Variants in CNNM4 observed in about 807,000 individuals in gnomAD.
The protein encoded by CNNM4 is metal transporter CNNM4.
A neutral mutation model predicts 53.7 loss-of-function variants in CNNM4; 32 were observed. That is an observed-to-expected ratio of 0.60 (90% CI 0.45 to 0.80). The LOEUF is 0.80. Among genes scored for constraint, CNNM4 ranks in the 30% least tolerant of loss-of-function variants. The pLI is 0.00. For synonymous variants in CNNM4, 410 were observed against 440.0 expected, an observed-to-expected ratio of 0.93 and a Z score of 0.85; for missense variants, 784 against 1,022.0, an observed-to-expected ratio of 0.77 and a Z score of 3.17.
chr2:96,782,850 C>T (rs1387119493), intron 1 of CNNM4, among the ~76,000 whole-genome samples: 1 of 152,096 alleles, frequency 6.6e-6, no homozygotes, highest in Non-Finnish European at 1.5e-5. Flanking sequence ...TGTATTTCAG[C>T]AAAGTATTTA....
At chr2:96,772,067 C>T (rs754445744) in intron 1 of CNNM4, among the ~76,000 whole-genome samples, 4 of 152,020 alleles carry the variant, frequency 2.6e-5, no homozygotes, top group Middle Eastern at 3.2e-3. Flanking sequence ...CTCTCTGGAA[C>T]GCCTGGTCTC....
chr2:96,797,594 A>G lies in CNNM4; in HGVS notation c.1628A>G (p.Lys543Arg). The G allele has an allele frequency of 1.2e-6, 2 of 1,614,190 alleles. No individual in the cohort carries two copies. The highest frequency in any genetic ancestry group is 1.7e-6 in the Non-Finnish European group (2 of 1,180,028). ...SAFKDADNEL[K>R]VKISPQLLLA... ...TTCAAGGATGCGGACAATGAGCTCAAAGTGAAAATCTCCCCGCAGCTCCTC... is the reference window on the plus strand; with the variant it reads ...TTCAAGGATGCGGACAATGAGCTCAGAGTGAAAATCTCCCCGCAGCTCCTC... The change falls in exon 3 of 7, where the codon AAA becomes AGA. Residue 543 changes from lysine (K) to arginine (R), a missense_variant. By Grantham distance (26) the Lys-to-Arg change is conservative. This residue lies in a region of CNNM4 where 307 missense variants were observed against 376.3 expected (regional missense o/e 0.82). Transcript: ENST00000377075. The surrounding 1 kb of genome is among the most constrained non-coding windows in gnomAD (Gnocchi z 6.0).
chr2:96,789,227 A>G (rs2079040067), intron 1 of CNNM4, among the ~76,000 whole-genome samples: 1 of 152,094 alleles, frequency 6.6e-6, no homozygotes, highest in South Asian at 2.1e-4. Context: ...AAGGGAAGAA[A>G]TGGGTCGGGA....
At chr2:96,772,230 C>T (rs1459580956) in intron 1 of CNNM4, among the ~76,000 whole-genome samples, 1 of 150,764 alleles carries the variant, frequency 6.6e-6, no homozygotes, top group African/African-American at 2.4e-5. Flanking sequence ...ACTCATACCC[C>T]CACAAAGGCA....
chr2:96,770,021 C>T (rs567309730), intron 1 of CNNM4, among the ~76,000 whole-genome samples: 2 of 152,316 alleles, frequency 1.3e-5, no homozygotes, highest in African/African-American at 4.8e-5. Context: ...AACATGAGCA[C>T]GTGGAGGGGC....
chr2:96,797,474 G>T lies in CNNM4; in HGVS notation c.1547-39G>T, dbSNP rs1430018252. ...GTTCCAGTCTCTTCCTAAGTCCTCA[G>T]GGGTCTGTGTTCTCAATTCCACGCT... On this transcript the variant is annotated intron_variant, in intron 2 of 6. Transcript: ENST00000377075. The surrounding 1 kb of genome is among the most constrained non-coding windows in gnomAD (Gnocchi z 6.0). 2 of 1,611,618 alleles carry T rather than the reference G, an allele frequency of 1.2e-6. No homozygotes were observed. The highest frequency in any genetic ancestry group is 1.6e-4 in the Middle Eastern group (1 of 6,062).
rs545205153 is a variant in CNNM4 at position 96,760,986 on chromosome 2, A to C, written c.-14A>C. 1.1e-3 allele frequency: 1,179 copies of C among 1,095,000 alleles called. 15 individuals are homozygous for C. In the African/African-American group the frequency reaches 0.018, roughly 17 times the overall value. The allele number at this position is 1,095,000 out of a possible 1,614,324, so 67.8% of individuals were successfully genotyped here. On this transcript the variant is annotated 5_prime_UTR_variant, in exon 1 of 7. Coordinates refer to ENST00000377075, the MANE Select transcript of CNNM4 (RefSeq NM_020184.4). ...TGGCGCGGGGAGCGGCGGCGGCGGC[A>C]GAGCCAGAGCAACATGGCGCCGGTG...
chr2:96,776,658 G>A (rs1190375867), intron 1 of CNNM4, among the ~76,000 whole-genome samples: 1 of 152,138 alleles, frequency 6.6e-6, no homozygotes, highest in African/African-American at 2.4e-5. Context: ...CTCTCGCCCA[G>A]CCTGGAGTGC....
chr2:96,774,292 G>A (rs1157096551), intron 1 of CNNM4, among the ~76,000 whole-genome samples: 3 of 152,138 alleles, frequency 2.0e-5, no homozygotes, highest in Non-Finnish European at 4.4e-5. Flanking sequence ...TGTTCCCTTG[G>A]AGCCCCATCT....
At chr2:96,805,440 A>AATTTTTTTT (rs2079194974) in intron 5 of CNNM4, among the ~76,000 whole-genome samples, 5 of 87,480 alleles carry the variant, frequency 5.7e-5, no homozygotes, top group East Asian at 3.6e-4. Context: ...TTTTTTTTTT[A>AATTTTTTTT]TTATTTTTTT....
chr2:96,800,094 C>T lies in CNNM4; in HGVS notation c.1948+446C>T, dbSNP rs549276331. Among the ~76,000 whole-genome samples the T allele has an allele frequency of 4.6e-5, 7 of 152,192 alleles. No homozygotes were observed. Among genetic ancestry groups the T allele is most frequent in the African/African-American group, 1.7e-4 (7 of 41,524 alleles). On this transcript the variant is annotated intron_variant, in intron 5 of 6. Transcript: ENST00000377075. The surrounding 1 kb of genome is among the most constrained non-coding windows in gnomAD (Gnocchi z 4.6). ...CAGATGGGTTTGGCTTTTCGGAGGACGCGGCTACTGGGTTTTGGTTAGAGG... is the reference window on the plus strand; with the variant it reads ...CAGATGGGTTTGGCTTTTCGGAGGATGCGGCTACTGGGTTTTGGTTAGAGG...
rs1209580799 is a variant in CNNM4, at chr2:96,810,175, C to T, written c.*658C>T. On this transcript the variant is annotated 3_prime_UTR_variant, in exon 7 of 7. Transcript: ENST00000377075. This position sits in a 1 kb window ranked among gnomAD's most constrained non-coding sequence, Gnocchi z 4.1. The stretch of plus-strand genomic sequence containing the variant: ...TAGCTGTGATCAGGGACATGATAAT[C>T]TGAGCTATGCAGAGGAGCACATCTG... 2 of 152,670 alleles carry T rather than the reference C, an allele frequency of 1.3e-5. No individual in the cohort carries two copies. The highest frequency in any genetic ancestry group is 2.9e-5 in the Non-Finnish European group (2 of 68,236). The allele number at this position is 152,670 out of a possible 1,614,324, so 9.5% of individuals were successfully genotyped here.
intron 4 of CNNM4, 54 bp downstream of exon 4, chr2:96,799,280 C>A (rs1304866531): frequency 1.3e-6 from 2 of 1,599,280 alleles, no homozygotes; most frequent in African/African-American, 2.7e-5. Context: ...ACTGCAGCAA[C>A]CCCCAGGCCC....
intron 1 of CNNM4, among the ~76,000 whole-genome samples, chr2:96,765,276 G>C (rs1156693655): frequency 6.6e-6 from 1 of 150,642 alleles, no homozygotes; most frequent in African/African-American, 2.4e-5. Context: ...ACGGGCATGT[G>C]CCACCACCCC....
intron 1 of CNNM4, among the ~76,000 whole-genome samples, chr2:96,778,272 TA>T (rs1314673192): frequency 6.6e-6 from 1 of 151,454 alleles, no homozygotes; most frequent in Non-Finnish European, 1.5e-5. Context: ...AATTTATTCC[TA>T]GGGGCCAGGT....
chr2:96,790,981 A>G (rs1230645582), intron 1 of CNNM4, among the ~76,000 whole-genome samples: 1 of 151,642 alleles, frequency 6.6e-6, no homozygotes, highest in Non-Finnish European at 1.5e-5. Flanking sequence ...TTAGCTGGGC[A>G]TGGTGGCCTG....
At position 96,800,260 on chromosome 2, in the gene CNNM4, C is replaced by A. The variant is rs567665173; in HGVS notation, c.1948+612C>A. ...CCTGTGCTGAGTGGCTCAGGCTTTC[C>A]CCGCAGAGCCCCACAGACAAGGCCC... On this transcript the variant is annotated intron_variant, in intron 5 of 6. Coordinates refer to ENST00000377075, the MANE Select transcript of CNNM4 (RefSeq NM_020184.4). The surrounding 1 kb of genome is among the most constrained non-coding windows in gnomAD (Gnocchi z 4.6). Among the ~76,000 whole-genome samples the A allele has an allele frequency of 3.3e-5, 5 of 152,274 alleles. No individual in the cohort carries two copies. Among genetic ancestry groups the A allele is most frequent in the African/African-American group, 1.2e-4 (5 of 41,560 alleles).
chr2:96,806,527 A>ACGCG (rs1367202120), intron 5 of CNNM4, among the ~76,000 whole-genome samples: 3 of 142,212 alleles, frequency 2.1e-5, no homozygotes, highest in Non-Finnish European at 3.1e-5. Flanking sequence ...ACACACACAC[A>ACGCG]CACACACACG....
intron 1 of CNNM4, among the ~76,000 whole-genome samples, chr2:96,786,165 C>G (rs2079014746): frequency 6.6e-6 from 1 of 151,782 alleles, no homozygotes; most frequent in Non-Finnish European, 1.5e-5. Flanking sequence ...GTCTGTAATC[C>G]CAGCACTTTG....
Sources: gnomAD v4.1 joint callset for allele counts (sites outside exome capture counted in the v4.1 genomes callset) on GRCh38, gnomAD v4.1.1 for gene constraint, gnomAD v4.1.1 regional missense constraint, Gnocchi (gnomAD v3.1) non-coding constraint, MANE v1.5 for transcripts, NCBI Gene and HGNC (gene_info 2026-07-23, HGNC 2026-07-21) for gene names.